The following RYR3 variants were observed in gnomAD, a reference collection of about 807,000 sequenced individuals.
RYR3 encodes the protein brain ryanodine receptor-calcium release channel.
RYR3 carries 207 observed loss-of-function variants against 584.3 expected under a neutral mutation model. The ratio of observed to expected loss-of-function variants is 0.35; its 90% CI spans 0.32 to 0.40. RYR3 has a LOEUF of 0.40. Ranked by LOEUF, RYR3 falls within the 10% of genes least tolerant of loss-of-function variation. RYR3 has a pLI of 1.00. For synonymous variants in RYR3, 2,416 were observed against 2,248.5 expected, an observed-to-expected ratio of 1.07 and a Z score of -2.11; for missense variants, 5,616 against 6,089.2, an observed-to-expected ratio of 0.92 and a Z score of 2.59.
At chr15:33,368,395 T>C (rs542065718) in intron 1 of RYR3, among the ~76,000 whole-genome samples, 1 of 142,598 alleles carries the variant, frequency 7.0e-6, no homozygotes, top group Admixed American at 7.2e-5. Context: ...AAGGTCTGGA[T>C]AACTAGTCTG....
At position 33,662,280 on chromosome 15, in the gene RYR3, G is replaced by A. The variant is rs372149967; in HGVS notation, c.4750G>A (p.Val1584Met). 28 of 1,610,782 alleles carry A rather than the reference G, an allele frequency of 1.7e-5. No individual in the cohort carries two copies. The highest frequency in any genetic ancestry group is 3.4e-5 in the Admixed American group (2 of 59,544). ...CGTGGCCTACGCCCTGTGCAGCCAC[G>A]TGGACCTCTCCCAGCTCTTCTATGC... ...SRVAYALCSH[V>M]DLSQLFYAID... Residue 1584 changes from valine to methionine, a missense_variant, in exon 35 of 104, where the codon GTG becomes ATG. Val to Met is a conservative substitution (Grantham distance 21). Transcript: ENST00000634891.
chr15:33,603,353 A>G lies in RYR3; in HGVS notation c.2153A>G (p.His718Arg), dbSNP rs751537608. 3 of 1,592,318 alleles carry G rather than the reference A, an allele frequency of 1.9e-6. No individual in the cohort carries two copies. The Admixed American group carries it at 5.2e-5, about 28-fold the overall frequency. ...DLYSYGFDGL[H>R]LWSGRIPRAV... ...TACTCCTATGGCTTTGATGGACTTCACCTTTGGTCAGGTGAGTACCTTGCT... is the reference window on the plus strand; with the variant it reads ...TACTCCTATGGCTTTGATGGACTTCGCCTTTGGTCAGGTGAGTACCTTGCT... Residue 718 changes from histidine (H) to arginine (R), a missense_variant, in exon 18 of 104, where the codon CAC becomes CGC. Physicochemically the swap from His to Arg is conservative, Grantham distance 29 (BLOSUM62 0). Coordinates refer to ENST00000634891, the MANE Select transcript of RYR3 (RefSeq NM_001036.6).
At chr15:33,602,300 TAA>T (rs960146706) in intron 17 of RYR3, among the ~76,000 whole-genome samples, 11 of 152,320 alleles carry the variant, frequency 7.2e-5, no homozygotes, top group Admixed American at 6.5e-4. Context: ...AGTTCGTCTC[TAA>T]AAGTATGATT....
intron 1 of RYR3, among the ~76,000 whole-genome samples, chr15:33,342,359 T>C (rs572326683): frequency 5.1e-4 from 77 of 152,348 alleles, no homozygotes; most frequent in Middle Eastern, 3.4e-3. Flanking sequence ...AAGAAATTTA[T>C]GTCCACTGAA....
At position 33,533,263 on chromosome 15, in the gene RYR3, A is replaced by C. The variant is rs566857382; in HGVS notation, c.355-48A>C. The C allele has an allele frequency of 7.7e-5, 100 of 1,302,110 alleles. 1 individual carries two copies. The South Asian group carries it at 1.2e-3, about 15-fold the overall frequency. 80.7% of individuals were successfully genotyped at this position (1,302,110 alleles called of 1,614,324 possible). ...AGCTAACTAGTGGTAAGATACCAAGACTCAATGGAAGAGTGTGACTTCACT... is the reference window on the plus strand; with the variant it reads ...AGCTAACTAGTGGTAAGATACCAAGCCTCAATGGAAGAGTGTGACTTCACT... On this transcript the variant is annotated intron_variant, in intron 4 of 103. Transcript: ENST00000634891.
At chr15:33,813,701 G>T in intron 74 of RYR3, 122 bp downstream of exon 74, 1 of 800,198 alleles carries the variant, frequency 1.2e-6, no homozygotes, top group Non-Finnish European at 2.1e-6. Flanking sequence ...GGCCTATGGA[G>T]CTATTGCAGT....
chr15:33,606,285 G>C (rs1194651205), intron 18 of RYR3, among the ~76,000 whole-genome samples: 1 of 152,152 alleles, frequency 6.6e-6, no homozygotes, highest in Non-Finnish European at 1.5e-5. Context: ...ACATTAGATA[G>C]ACAGTAAATA....
intron 47 of RYR3, among the ~76,000 whole-genome samples, chr15:33,731,178 C>A (rs919394413): frequency 6.6e-6 from 1 of 151,680 alleles, no homozygotes; most frequent in Non-Finnish European, 1.5e-5. Context: ...GTTCAAAATT[C>A]TTTTGAAGGG....
intron 1 of RYR3, among the ~76,000 whole-genome samples, chr15:33,453,643 A>G (rs1024910714): frequency 1.3e-5 from 2 of 152,210 alleles, no homozygotes; most frequent in Admixed American, 6.5e-5. Flanking sequence ...AAATCCTGGT[A>G]TACTTGGAAA....
intron 65 of RYR3, among the ~76,000 whole-genome samples, chr15:33,784,612 C>G (rs943537189): frequency 6.6e-6 from 1 of 152,158 alleles, no homozygotes; most frequent in African/African-American, 2.4e-5. Flanking sequence ...GTTTTTGCCC[C>G]CGTTTGAGAA....
chr15:33,864,007 TC>T, intron 102 of RYR3, 130 bp from the exon 103 acceptor site: 1 of 629,692 alleles, frequency 1.6e-6, no homozygotes, highest in Non-Finnish European at 2.8e-6. Context: ...ATGCCACACT[TC>T]CCTGATCATT....
chr15:33,764,842 C>G (rs2072867604), intron 60 of RYR3, among the ~76,000 whole-genome samples: 2 of 151,958 alleles, frequency 1.3e-5, no homozygotes, highest in African/African-American at 2.4e-5. Flanking sequence ...ACTAGCCTGA[C>G]TAACATGGTG....
At chr15:33,577,874 CA>C (rs1355597566) in intron 12 of RYR3, among the ~76,000 whole-genome samples, 1 of 151,840 alleles carries the variant, frequency 6.6e-6, no homozygotes, top group East Asian at 1.9e-4. Context: ...CTCCATCTGA[CA>C]AAAGTCTAAT....
chr15:33,329,026 G>A (rs568746640), intron 1 of RYR3, among the ~76,000 whole-genome samples: 3 of 152,292 alleles, frequency 2.0e-5, no homozygotes, highest in African/African-American at 4.8e-5. Context: ...CCAGTTAAAG[G>A]AAATTTATGG....
intron 67 of RYR3, among the ~76,000 whole-genome samples, chr15:33,793,459 G>A (rs187988378): frequency 6.6e-6 from 1 of 152,174 alleles, no homozygotes; most frequent in East Asian, 1.9e-4. Context: ...GGGCCATCCT[G>A]AAGCTACCTA....
chr15:33,687,466 A>G lies in RYR3; in HGVS notation c.5861-8752A>G, dbSNP rs570226086. Among the ~76,000 whole-genome samples, 5 of 152,362 alleles carry G rather than the reference A, an allele frequency of 3.3e-5. No homozygotes were observed. The South Asian group carries it at 1.0e-3, about 32-fold the overall frequency. On this transcript the variant is annotated intron_variant, in intron 38 of 103. Coordinates refer to ENST00000634891, the MANE Select transcript of RYR3 (RefSeq NM_001036.6). ...ATGCTCATGGATAGGAAGAATCAGT[A>G]TCATGAAAATGGCCATACTGCCCAA...
intron 90 of RYR3, among the ~76,000 whole-genome samples, chr15:33,841,161 G>A (rs2078338678): frequency 6.6e-6 from 1 of 152,092 alleles, no homozygotes; most frequent in Non-Finnish European, 1.5e-5. Context: ...AGGCTGCAGT[G>A]AGCCAAGATC....
intron 23 of RYR3, among the ~76,000 whole-genome samples, chr15:33,631,719 T>C (rs1005267837): frequency 6.6e-6 from 1 of 152,230 alleles, no homozygotes. Context: ...GCCTGTGTCC[T>C]GCTCTGCCTC....
At chr15:33,433,694 T>C (rs1037075417) in intron 1 of RYR3, among the ~76,000 whole-genome samples, 2 of 152,228 alleles carry the variant, frequency 1.3e-5, no homozygotes, top group South Asian at 4.1e-4. Flanking sequence ...TAAACTGGTG[T>C]GTGAGAAAGC....
Sources: allele counts gnomAD v4.1 joint callset (sites outside exome capture counted in the v4.1 genomes callset), GRCh38; gene constraint gnomAD v4.1.1; transcripts MANE v1.5; gene names NCBI Gene and HGNC (gene_info 2026-07-23, HGNC 2026-07-21).